TOP6BL: variants seen among roughly 807,000 people sequenced by gnomAD.
TOP6BL encodes the protein type 2 DNA topoisomerase 6 subunit B-like.
At chr11:66,777,019 G>GT in the TOP6BL span, among the ~76,000 whole-genome samples, 2 of 147,468 alleles carry the variant, frequency 1.4e-5, no homozygotes, top group South Asian at 2.2e-4. Flanking sequence ...TGCCCATCAT[G>GT]TTTTTTTAAT....
At chr11:66,762,536 C>T in the TOP6BL span, 2 of 194,384 alleles carry the variant, frequency 1.0e-5, no homozygotes, top group East Asian at 1.8e-4. Flanking sequence ...GGGGCGAGAT[C>T]TTGGTTCACT....
the TOP6BL span, chr11:66,842,952 C>G: frequency 6.4e-7 from 1 of 1,553,058 alleles, no homozygotes; most frequent in African/African-American, 1.4e-5. Flanking sequence ...CGTCAGAGGC[C>G]GCCCCGCGCC....
At chr11:66,839,220 G>A in the TOP6BL span, 1 of 456,104 alleles carries the variant, frequency 2.2e-6, no homozygotes, top group South Asian at 1.5e-5. Flanking sequence ...ACTATTCTGA[G>A]CTTTTAAAAT....
chr11:66,779,645 C>T, the TOP6BL span, among the ~76,000 whole-genome samples: 29 of 152,214 alleles, frequency 1.9e-4, no homozygotes, highest in Middle Eastern at 3.4e-3. Flanking sequence ...CATTTGACCC[C>T]GCCATCCCAT....
chr11:66,749,770 C>T, the TOP6BL span, among the ~76,000 whole-genome samples: 2 of 152,142 alleles, frequency 1.3e-5, no homozygotes, highest in South Asian at 4.1e-4. Context: ...GGAGGTTTCA[C>T]CATATTGGCC....
At chr11:66,815,558 C>T in the TOP6BL span, 13 of 152,976 alleles carry the variant, frequency 8.5e-5, no homozygotes, top group East Asian at 5.8e-4. Flanking sequence ...TCCCGTTGGA[C>T]GAGGTATTTA....
At chr11:66,792,744 T>C in the TOP6BL span, among the ~76,000 whole-genome samples, 2 of 152,222 alleles carry the variant, frequency 1.3e-5, no homozygotes, top group African/African-American at 2.4e-5. Flanking sequence ...ATATCATCAT[T>C]ATTCATTGTA....
At chr11:66,828,645 A>G in the TOP6BL span, 1 of 315,634 alleles carries the variant, frequency 3.2e-6, no homozygotes, top group Non-Finnish European at 6.0e-6. Flanking sequence ...CCGTTACTCC[A>G]TCTTGTCCAG....
the TOP6BL span, chr11:66,744,773 ACTCGGGCGTGGG>A: frequency 7.4e-6 from 9 of 1,223,124 alleles, no homozygotes; most frequent in Admixed American, 8.6e-5. Flanking sequence ...GTGGGCGTGG[ACTCGGGCGTGGG>A]CACTGGCGGA....
the TOP6BL span, among the ~76,000 whole-genome samples, chr11:66,770,144 A>G: frequency 6.6e-6 from 1 of 152,166 alleles, no homozygotes; most frequent in African/African-American, 2.4e-5. Flanking sequence ...ATGTGAGGGC[A>G]CAATGAGAAG....
At chr11:66,787,251 C>T in the TOP6BL span, among the ~76,000 whole-genome samples, 1 of 151,970 alleles carries the variant, frequency 6.6e-6, no homozygotes, top group African/African-American at 2.4e-5. Flanking sequence ...AGGATTTGAT[C>T]TTGGGAATGT....
At chr11:66,804,044 G>A in the TOP6BL span, 1 of 1,613,988 alleles carries the variant, frequency 6.2e-7, no homozygotes, top group East Asian at 2.2e-5. Flanking sequence ...AATTCACCCT[G>A]TGCTAGGACA....
chr11:66,771,728 AGGAGATG>A, the TOP6BL span: 1 of 158,296 alleles, frequency 6.3e-6, no homozygotes, highest in Admixed American at 6.5e-5. Context: ...TCTCAGAAGC[AGGAGATG>A]GCCGAGAAGA....
At chr11:66,816,061 C>CTTGG in the TOP6BL span, 1 of 1,598,126 alleles carries the variant, frequency 6.3e-7, no homozygotes, top group Non-Finnish European at 8.5e-7. Flanking sequence ...AGATTTGGTG[C>CTTGG]TTCCAGATGT....
the TOP6BL span, among the ~76,000 whole-genome samples, chr11:66,787,493 A>G: frequency 6.7e-6 from 1 of 148,850 alleles, no homozygotes; most frequent in Non-Finnish European, 1.5e-5. Context: ...ATCACCTAAG[A>G]TCGGGAGTTC....
At chr11:66,815,982 G>C in the TOP6BL span, 1 of 1,429,240 alleles carries the variant, frequency 7.0e-7, no homozygotes, top group Non-Finnish European at 9.5e-7. Flanking sequence ...TCAGAATACA[G>C]GTTCTGTAGT....
At chr11:66,828,189 A>G in the TOP6BL span, 5 of 991,728 alleles carry the variant, frequency 5.0e-6, no homozygotes, top group Middle Eastern at 2.1e-4. Context: ...ATCTCCCTGT[A>G]TAAACTTTCT....
the TOP6BL span, chr11:66,758,018 C>A: frequency 2.0e-6 from 1 of 490,556 alleles, no homozygotes; most frequent in Non-Finnish European, 2.6e-6. Context: ...ACCTTATTTC[C>A]CTGTCTGAAA....
chr11:66,757,671 C>T, the TOP6BL span, among the ~76,000 whole-genome samples: 1 of 152,194 alleles, frequency 6.6e-6, no homozygotes, highest in Non-Finnish European at 1.5e-5. Flanking sequence ...ACTGCAACCT[C>T]TGCCTCCTGG....
Sources: gnomAD v4.1 joint callset for allele counts (sites outside exome capture counted in the v4.1 genomes callset) on GRCh38, gnomAD v4.1.1 for gene constraint, MANE v1.5 for transcripts, NCBI Gene and HGNC (gene_info 2026-07-23, HGNC 2026-07-21) for gene names.